The following DPP10 variants were observed in gnomAD, a reference collection of about 807,000 sequenced individuals.
DPP10 encodes dipeptidyl peptidase like 10, also known as inactive dipeptidyl peptidase 10.
In DPP10, 33 loss-of-function variants were observed where a neutral mutation model predicts 120.9. That is an observed-to-expected ratio of 0.27 (90% CI 0.21 to 0.37). The LOEUF (loss-of-function observed/expected upper bound fraction) is 0.37, where lower values mean the gene tolerates loss of function less well. Among genes scored for constraint, DPP10 ranks in the 10% least tolerant of loss-of-function variants. The pLI, the probability that DPP10 is intolerant of heterozygous loss-of-function variation, is 1.00. For synonymous variants in DPP10, 337 were observed against 326.1 expected, an observed-to-expected ratio of 1.03 and a Z score of -0.36; for missense variants, 816 against 942.8, an observed-to-expected ratio of 0.87 and a Z score of 1.76.
intron 3 of DPP10, among the ~76,000 whole-genome samples, chr2:115,363,330 G>A (rs112319627): frequency 1.5e-4 from 23 of 152,244 alleles, no homozygotes; most frequent in African/African-American, 5.3e-4. Context: ...ATATTTAAAA[G>A]ATTTAAAAAT....
At chr2:115,815,575 A>T in intron 20 of DPP10, 100 bp from the exon 21 acceptor site, 1 of 1,005,952 alleles carries the variant, frequency 9.9e-7, no homozygotes, top group Non-Finnish European at 1.4e-6. Flanking sequence ...AAGCATTTCT[A>T]GTCATTAGCT....
intron 3 of DPP10, among the ~76,000 whole-genome samples, chr2:115,491,229 T>A (rs2076100398): frequency 6.6e-6 from 1 of 152,146 alleles, no homozygotes; most frequent in Non-Finnish European, 1.5e-5. Flanking sequence ...CAGCAAACAC[T>A]GCTAGAGGTA....
chr2:115,061,256 C>T (rs1706374815), intron 1 of DPP10, among the ~76,000 whole-genome samples: 1 of 152,126 alleles, frequency 6.6e-6, no homozygotes, highest in South Asian at 2.1e-4. Context: ...GTGGGATCTT[C>T]TGGGAAAACT....
At chr2:115,411,994 C>T (rs776527014) in intron 3 of DPP10, among the ~76,000 whole-genome samples, 1 of 152,146 alleles carries the variant, frequency 6.6e-6, no homozygotes, top group Non-Finnish European at 1.5e-5. Context: ...ATAGCCATTG[C>T]TTTTCAGACA....
At chr2:114,753,908 CAAAAAAAAAAAAA>C (rs777798352) in intron 1 of DPP10, among the ~76,000 whole-genome samples, 13 of 33,766 alleles carry the variant, frequency 3.9e-4, no homozygotes, top group Non-Finnish European at 5.9e-4. Flanking sequence ...GACTCCTTCT[CAAAAAAAAAAAAA>C]AAAAAAAAAA....
intron 1 of DPP10, among the ~76,000 whole-genome samples, chr2:114,577,719 G>C (rs900991686): frequency 1.4e-4 from 21 of 152,116 alleles, no homozygotes; most frequent in African/African-American, 4.3e-4. Context: ...TGAGATCAAG[G>C]TGTTAGCCAG....
intron 1 of DPP10, among the ~76,000 whole-genome samples, chr2:114,840,012 C>T (rs886873764): frequency 6.6e-5 from 10 of 152,090 alleles, no homozygotes; most frequent in African/African-American, 2.2e-4. Flanking sequence ...ACGGTTCTTT[C>T]CAGGTTCATG....
rs1349646894 is a variant in DPP10, at chr2:115,669,502, T to C, written c.442-20185T>C. 2.6e-5 allele frequency among the ~76,000 whole-genome samples: 4 copies of C among 152,206 alleles called. No homozygotes were observed. The East Asian group carries it at 7.7e-4, about 29-fold the overall frequency. On this transcript the variant is annotated intron_variant, in intron 5 of 25. Transcript: ENST00000410059. ...TAAGGAAAACGACTTAAATGGTTCA[T>C]ATAGTCAGAAAGTTCCCAGGTAGTT...
In DPP10 at chr2:115,755,998, C is replaced by A. The variant is rs150657822; in HGVS notation, c.1074+2701C>A. On this transcript the variant is annotated intron_variant, in intron 11 of 25. Coordinates refer to ENST00000410059, the MANE Select transcript of DPP10 (RefSeq NM_020868.6). ...ACATATACAATGGAATACTATTCAGCCATAAAAAAGAATGAAATTCTGTCA... is the reference window on the plus strand; with the variant it reads ...ACATATACAATGGAATACTATTCAGACATAAAAAAGAATGAAATTCTGTCA... Among the ~76,000 whole-genome samples the A allele has an allele frequency of 1.8e-3, 269 of 151,768 alleles. 7 individuals are homozygous for A. The East Asian group carries it at 0.021, about 12-fold the overall frequency.
At chr2:114,730,693 A>C (rs1423716778) in intron 1 of DPP10, among the ~76,000 whole-genome samples, 1 of 152,126 alleles carries the variant, frequency 6.6e-6, no homozygotes, top group Non-Finnish European at 1.5e-5. Flanking sequence ...TCCTGGATTC[A>C]AGCGATTCTC....
intron 1 of DPP10, among the ~76,000 whole-genome samples, chr2:114,801,279 A>G (rs2106281730): frequency 1.0e-5 from 1 of 98,054 alleles, no homozygotes; most frequent in East Asian, 5.0e-4. Flanking sequence ...AAAAAAAAAA[A>G]GAAAAAAAGA....
At chr2:115,508,573 G>T (rs1338733413) in intron 4 of DPP10, among the ~76,000 whole-genome samples, 1 of 152,140 alleles carries the variant, frequency 6.6e-6, no homozygotes, top group Non-Finnish European at 1.5e-5. Flanking sequence ...TGCATTGGCT[G>T]TATCTGTTTT....
chr2:115,350,458 C>T (rs963030524), intron 3 of DPP10, among the ~76,000 whole-genome samples: 1 of 151,832 alleles, frequency 6.6e-6, no homozygotes, highest in African/African-American at 2.4e-5. Context: ...GTACTAACTA[C>T]GGATATTCAA....
intron 1 of DPP10, among the ~76,000 whole-genome samples, chr2:114,573,530 G>A (rs1457137285): frequency 6.6e-6 from 1 of 152,150 alleles, no homozygotes; most frequent in African/African-American, 2.4e-5. Context: ...GAAAGATATG[G>A]TCCCAAGCTA....
chr2:115,398,866 G>A (rs948003564), intron 3 of DPP10, among the ~76,000 whole-genome samples: 1 of 152,064 alleles, frequency 6.6e-6, no homozygotes, highest in Non-Finnish European at 1.5e-5. Flanking sequence ...ATCTGAAATA[G>A]GGATGTTTTA....
At chr2:115,330,518 G>C (rs1277532568) in intron 2 of DPP10, among the ~76,000 whole-genome samples, 3 of 151,860 alleles carry the variant, frequency 2.0e-5, no homozygotes, top group Non-Finnish European at 4.4e-5. Context: ...CCATGCCTAT[G>C]TACTGAATGG....
intron 5 of DPP10, among the ~76,000 whole-genome samples, chr2:115,574,803 T>A (rs1229426133): frequency 6.6e-6 from 1 of 152,184 alleles, no homozygotes; most frequent in Non-Finnish European, 1.5e-5. Context: ...GTACGTGACC[T>A]CCAGGGCCCT....
rs574108384 is a variant in DPP10, at chr2:115,487,103, A to C, written c.272-12407A>C. Among the ~76,000 whole-genome samples, 100 of 152,100 alleles carry C rather than the reference A, an allele frequency of 6.6e-4. 1 individual carries two copies. Among genetic ancestry groups the C allele is most frequent in the Non-Finnish European group, 1.1e-3 (76 of 67,990 alleles). ...AAAACAACAGACAAACAGAGAGCCA[A>C]ATCATGAGTGAACTCCCATTCACAA... On this transcript the variant is annotated intron_variant, in intron 3 of 25. Coordinates refer to ENST00000410059, the MANE Select transcript of DPP10 (RefSeq NM_020868.6).
At chr2:115,450,685 G>C (rs1396783183) in intron 3 of DPP10, among the ~76,000 whole-genome samples, 1 of 151,854 alleles carries the variant, frequency 6.6e-6, no homozygotes, top group East Asian at 1.9e-4. Flanking sequence ...TCAGAGCCAT[G>C]AGTATTTGCT....
Sources: allele counts gnomAD v4.1 joint callset (sites outside exome capture counted in the v4.1 genomes callset), GRCh38; gene constraint gnomAD v4.1.1; transcripts MANE v1.5; gene names NCBI Gene and HGNC (gene_info 2026-07-23, HGNC 2026-07-21).